The following DMBT1 variants were observed in gnomAD, a reference collection of about 807,000 sequenced individuals.
DMBT1 encodes the protein deleted in malignant brain tumors 1.
Under a neutral mutation model 252.9 loss-of-function variants are expected in DMBT1, and 198 were observed. The ratio of observed to expected loss-of-function variants is 0.78; its 90% CI spans 0.70 to 0.88. The LOEUF is 0.88. Among genes scored for constraint, DMBT1 ranks in the 40% least tolerant of loss-of-function variants. The pLI, the probability that DMBT1 is intolerant of heterozygous loss-of-function variation, is 0.00. For missense variants in DMBT1, 2,432 were observed against 2,404.7 expected (o/e 1.01, Z -0.24); for synonymous variants, 990 against 942.7 (o/e 1.05, Z -0.92).
intron 55 of DMBT1, among the ~76,000 whole-genome samples, chr10:122,642,610 C>A (rs558825822): frequency 3.7e-4 from 57 of 152,214 alleles, no homozygotes; most frequent in African/African-American, 1.4e-3. Flanking sequence ...GGGCTCAGGG[C>A]AGGCTGAGGA....
At chr10:122,571,099 A>G (rs1396679201) in intron 4 of DMBT1, among the ~76,000 whole-genome samples, 162 bp downstream of exon 4, 2 of 152,240 alleles carry the variant, frequency 1.3e-5, no homozygotes, top group African/African-American at 4.8e-5. Flanking sequence ...TGCAACTCAG[A>G]GTCAATATCA....
chr10:122,579,563 T>C lies in DMBT1; in HGVS notation c.680-15T>C. On this transcript the variant is annotated splice_polypyrimidine_tract_variant and intron_variant, in intron 9 of 55. Coordinates refer to ENST00000338354, the MANE Select transcript of DMBT1 (RefSeq NM_001377530.1). ...ATGATAGGGATGGATGAAGGGTTCTTGTGTTCCCCTGTAGGATCTGAATCC... is the reference window on the plus strand; with the variant it reads ...ATGATAGGGATGGATGAAGGGTTCTCGTGTTCCCCTGTAGGATCTGAATCC... The C allele has an allele frequency of 1.2e-6, 2 of 1,612,822 alleles. No homozygotes were observed. The highest frequency in any genetic ancestry group is 1.7e-6 in the Non-Finnish European group (2 of 1,179,718).
chr10:122,566,534 T>A (rs113264425), intron 2 of DMBT1, among the ~76,000 whole-genome samples: 8,661 of 151,996 alleles, frequency 0.057, 772 homozygotes, highest in African/African-American at 0.19. Flanking sequence ...ATGGTCTTGA[T>A]CTCTTGACCT....
chr10:122,600,778 T>C (rs754621644), intron 27 of DMBT1, among the ~76,000 whole-genome samples: 4 of 152,094 alleles, frequency 2.6e-5, no homozygotes, highest in Non-Finnish European at 4.4e-5. Context: ...ACCCCAGGAT[T>C]AGAGAAATGG....
intron 17 of DMBT1, among the ~76,000 whole-genome samples, chr10:122,590,280 A>G (rs887608581): frequency 4.7e-5 from 7 of 148,960 alleles, no homozygotes; most frequent in African/African-American, 1.5e-4. Context: ...GGCAGTGCCC[A>G]TTAGGGCTGC....
chr10:122,588,899 A>AT, intron 16 of DMBT1, 45 bp from the exon 17 acceptor site: 1 of 1,585,658 alleles, frequency 6.3e-7, no homozygotes, highest in Non-Finnish European at 8.6e-7. Context: ...TAGATCCTTG[A>AT]CCTGCTGATA....
rs539768511 is a variant in DMBT1, at chr10:122,591,051, G to A, written c.2137+357G>A. On this transcript the variant is annotated intron_variant, in intron 18 of 55. Transcript: ENST00000338354. The stretch of plus-strand genomic sequence containing the variant: ...CCCCATCTACCTCCAGACAGGCAGA[G>A]GCTGTGCTCAGGCAGGGAGAGCGAT... Among the ~76,000 whole-genome samples, 22 of 148,764 alleles carry A rather than the reference G, an allele frequency of 1.5e-4. 5 individuals are homozygous for A. Among genetic ancestry groups the A allele is most frequent in the Middle Eastern group, 3.4e-3 (1 of 294 alleles).
At chr10:122,628,235 T>G (rs1350721540) in intron 46 of DMBT1, among the ~76,000 whole-genome samples, 1 of 152,256 alleles carries the variant, frequency 6.6e-6, no homozygotes, top group African/African-American at 2.4e-5. Flanking sequence ...TCAGGACAGC[T>G]TTATTCATAG....
At chr10:122,580,220 A>C (rs1287886848) in intron 10 of DMBT1, among the ~76,000 whole-genome samples, 1 of 152,166 alleles carries the variant, frequency 6.6e-6, no homozygotes, top group Non-Finnish European at 1.5e-5. Flanking sequence ...GGTATAATGG[A>C]TGCAGCACAG....
In DMBT1 at chr10:122,643,671, T is replaced by C. The variant is rs773533031; in HGVS notation, c.*273T>C. On this transcript the variant is annotated 3_prime_UTR_variant, in exon 56 of 56. Transcript: ENST00000338354. ...ATGCTTCTCATCTGCAAAATGAAAATGTCAATACTTACTTCTTAGCACTGT... is the reference window on the plus strand; with the variant it reads ...ATGCTTCTCATCTGCAAAATGAAAACGTCAATACTTACTTCTTAGCACTGT... 2.3e-4 allele frequency: 116 copies of C among 504,326 alleles called. No homozygotes were observed. The highest frequency in any genetic ancestry group is 3.6e-4 in the Non-Finnish European group (100 of 280,410). The allele number at this position is 504,326 out of a possible 1,614,324, so 31.2% of individuals were successfully genotyped here. A position where few individuals can be genotyped will look rare whatever the true frequency, so the allele number is the denominator to read the frequency against.
chr10:122,617,377 G>C lies in DMBT1; in HGVS notation c.4891+117G>C, dbSNP rs147162213. ...TCTCTTTTCATGTCCCTGTGGGTTGGGTGGGAGGAAGGTGGAGTTTCTAGG... is the reference window on the plus strand; with the variant it reads ...TCTCTTTTCATGTCCCTGTGGGTTGCGTGGGAGGAAGGTGGAGTTTCTAGG... On this transcript the variant is annotated intron_variant, in intron 40 of 55. Coordinates refer to ENST00000338354, the MANE Select transcript of DMBT1 (RefSeq NM_001377530.1). 1,733 of 1,305,286 alleles carry C rather than the reference G, an allele frequency of 1.3e-3. 155 individuals are homozygous for C. The East Asian group carries it at 0.04, about 30-fold the overall frequency. 80.9% of individuals were successfully genotyped at this position (1,305,286 alleles called of 1,614,324 possible).
chr10:122,598,163 C>A (rs193241136), intron 25 of DMBT1, among the ~76,000 whole-genome samples, 151 bp downstream of exon 25: 24 of 152,134 alleles, frequency 1.6e-4, no homozygotes, highest in African/African-American at 5.8e-4. Context: ...CTCTGGGGAC[C>A]CAGCTCTGGG....
At chr10:122,577,683 C>T (rs887971574) in intron 7 of DMBT1, 128 bp from the exon 8 acceptor site, 21 of 1,052,884 alleles carry the variant, frequency 2.0e-5, no homozygotes, top group Non-Finnish European at 2.9e-5. Context: ...TGGGCACTGG[C>T]AGGGCCCACT....
chr10:122,570,987 C>T, intron 4 of DMBT1, 50 bp downstream of exon 4: 2 of 1,586,894 alleles, frequency 1.3e-6, no homozygotes, highest in African/African-American at 1.3e-5. Context: ...CCACTGCACC[C>T]CTAGGTTCAT....
chr10:122,576,860 C>A, intron 7 of DMBT1, 138 bp downstream of exon 7: 1 of 1,052,128 alleles, frequency 9.5e-7, no homozygotes, highest in African/African-American at 1.6e-5. Flanking sequence ...AACCCCATCT[C>A]TATTAAAAAA....
intron 25 of DMBT1, among the ~76,000 whole-genome samples, chr10:122,598,322 A>G (rs1236949762): frequency 1.3e-5 from 2 of 152,154 alleles, no homozygotes; most frequent in Admixed American, 6.5e-5. Flanking sequence ...CCCTCAGCCC[A>G]TGGGCTGCAG....
At chr10:122,632,701 G>A (rs527441860) in intron 50 of DMBT1, among the ~76,000 whole-genome samples, 160 bp from the exon 51 acceptor site, 1 of 152,006 alleles carries the variant, frequency 6.6e-6, no homozygotes, top group Non-Finnish European at 1.5e-5. Flanking sequence ...CTCTCCTCCA[G>A]ACCTCCCCAA....
chr10:122,562,469 A>C (rs2097556841), intron 1 of DMBT1, among the ~76,000 whole-genome samples: 1 of 152,160 alleles, frequency 6.6e-6, no homozygotes, highest in Non-Finnish European at 1.5e-5. Context: ...CCAGGACCTC[A>C]GGGGAGTGGA....
rs762578115 is a variant in DMBT1, at chr10:122,580,895, G to A, written c.1033G>A (p.Asp345Asn). The stretch of plus-strand genomic sequence containing the variant: ...CCAGTCCCGGCCGACACCCAGCCCA[G>A]GTAGGTCCCCAGTGTCCTTCCTCAA... ...APQSRPTPSP[D>N]TWPTSHASTA... is the part of the protein sequence containing the mutation. The change falls in exon 11 of 56, where the codon GAT becomes AAT. Residue 345 changes from aspartate (D) to asparagine (N), a missense_variant and splice_region_variant. Physicochemically the swap from Asp to Asn is conservative, Grantham distance 23. Transcript: ENST00000338354. The A allele has an allele frequency of 3.7e-6, 6 of 1,613,680 alleles. No homozygotes were observed. In the Admixed American group the frequency reaches 5.0e-5, roughly 13 times the overall value.
Sources: allele counts gnomAD v4.1 joint callset (sites outside exome capture counted in the v4.1 genomes callset), GRCh38; gene constraint gnomAD v4.1.1; transcripts MANE v1.5; gene names NCBI Gene and HGNC (gene_info 2026-07-23, HGNC 2026-07-21).